Variants in WDR89 observed in about 807,000 individuals in gnomAD.
WDR89 encodes the protein WD repeat-containing protein 89.
WDR89 carries 17 observed loss-of-function variants against 29.1 expected under a neutral mutation model. That is an observed-to-expected ratio of 0.58 (90% confidence interval 0.40 to 0.88). WDR89 has a LOEUF of 0.88. Among genes scored for constraint, WDR89 ranks in the 40% least tolerant of loss-of-function variants. The pLI is 0.00. For missense variants in WDR89, 396 were observed against 456.3 expected, an observed-to-expected ratio of 0.87 and a Z score of 1.20; for synonymous variants, 138 against 157.8, an observed-to-expected ratio of 0.87 and a Z score of 0.94.
In WDR89 at chr14:63,599,699, A is replaced by T; in HGVS notation, c.244T>A (p.Cys82Ser). The change falls in exon 3 of 3, where the codon TGT becomes AGT. Residue 82 changes from cysteine to serine, a missense_variant. Coordinates refer to ENST00000620954, the MANE Select transcript of WDR89 (RefSeq NM_080666.4). Reference protein sequence around the residue: ...LLNGVRFANSCDSVYSACTDG... With the variant: ...LLNGVRFANSSDSVYSACTDG... ...GTACATGCTGAATATACACTGTCAC[A>T]GGAATTTGCAAATCTGACTCCATTA... 1 of 1,614,192 alleles carries T rather than the reference A, an allele frequency of 6.2e-7. No homozygotes were observed. The highest frequency in any genetic ancestry group is 8.5e-7 in the Non-Finnish European group (1 of 1,179,994).
chr14:63,640,670 G>A (rs1206376376), intron 1 of WDR89, among the ~76,000 whole-genome samples: 2 of 151,296 alleles, frequency 1.3e-5, no homozygotes, highest in East Asian at 2.0e-4. Context: ...AGAGACGGGG[G>A]TTTCACCATG....
At chr14:63,628,023 C>T (rs1480954943) in intron 1 of WDR89, among the ~76,000 whole-genome samples, 4 of 152,120 alleles carry the variant, frequency 2.6e-5, no homozygotes, top group African/African-American at 9.7e-5. Context: ...CTCCCTTGAG[C>T]CCAGGAGTTT....
At chr14:63,613,254 C>T (rs905413362) in intron 2 of WDR89, among the ~76,000 whole-genome samples, 2 of 152,082 alleles carry the variant, frequency 1.3e-5, no homozygotes, top group Non-Finnish European at 2.9e-5. Flanking sequence ...AGATCTGAAA[C>T]ATGTAGTTTT....
At chr14:63,607,532 C>T (rs1881646666) in intron 2 of WDR89, among the ~76,000 whole-genome samples, 1 of 152,076 alleles carries the variant, frequency 6.6e-6, no homozygotes, top group Non-Finnish European at 1.5e-5. Flanking sequence ...AATTATATTC[C>T]CCAAAAGTTA....
At position 63,600,815 on chromosome 14, in the gene WDR89, G is replaced by A. The variant is rs373723026; in HGVS notation, c.-31-842C>T. Among the ~76,000 whole-genome samples, 4 of 141,134 alleles carry A rather than the reference G, an allele frequency of 2.8e-5. No homozygotes were observed. In the Admixed American group the frequency reaches 3.0e-4, roughly 11 times the overall value. 92.6% of individuals were successfully genotyped at this position (141,134 alleles called of 152,430 possible). On this transcript the variant is annotated intron_variant, in intron 2 of 2. Coordinates refer to ENST00000620954, the MANE Select transcript of WDR89 (RefSeq NM_080666.4). ...ATCTGTGAATATGTTAGGTTACAAAGGAAAACTGAAGTTGTACATGGAATT... is the reference window on the plus strand; with the variant it reads ...ATCTGTGAATATGTTAGGTTACAAAAGAAAACTGAAGTTGTACATGGAATT...
intron 2 of WDR89, among the ~76,000 whole-genome samples, chr14:63,621,232 C>T (rs928424293): frequency 2.6e-5 from 4 of 152,104 alleles, no homozygotes; most frequent in Non-Finnish European, 5.9e-5. Flanking sequence ...AAAACTTATA[C>T]ATAAATTTCA....
In WDR89 at chr14:63,598,676, G is replaced by T; in HGVS notation, c.*103C>A. On this transcript the variant is annotated 3_prime_UTR_variant, in exon 3 of 3. Coordinates refer to ENST00000620954, the MANE Select transcript of WDR89 (RefSeq NM_080666.4). Reference sequence around the variant, plus strand: ...ATTTTTCCAGGACTGTTTGCTAACTGGCTTGTTTTTACATAAAGCTTTAAA... The same window carrying T: ...ATTTTTCCAGGACTGTTTGCTAACTTGCTTGTTTTTACATAAAGCTTTAAA... 9.5e-7 allele frequency: 1 copy of T among 1,051,672 alleles called. No individual in the cohort carries two copies. Among genetic ancestry groups the T allele is most frequent in the Non-Finnish European group, 1.3e-6 (1 of 776,386 alleles). 65.1% of individuals were successfully genotyped at this position (1,051,672 alleles called of 1,614,324 possible).
chr14:63,635,284 T>C (rs1883656101), intron 1 of WDR89, among the ~76,000 whole-genome samples: 1 of 152,132 alleles, frequency 6.6e-6, no homozygotes, highest in South Asian at 2.1e-4. Flanking sequence ...TCCTCCATGA[T>C]CAAGTAGGTT....
intron 1 of WDR89, among the ~76,000 whole-genome samples, chr14:63,629,598 G>T (rs1883269615): frequency 6.6e-6 from 1 of 152,178 alleles, no homozygotes; most frequent in African/African-American, 2.4e-5. Flanking sequence ...TGCTGACTAT[G>T]AGGACAGACA....
intron 1 of WDR89, among the ~76,000 whole-genome samples, chr14:63,632,003 T>C (rs989478588): frequency 6.6e-5 from 10 of 151,714 alleles, no homozygotes; most frequent in Admixed American, 3.3e-4. Context: ...TCCCAGCTAC[T>C]TGGGAGGCTA....
intron 2 of WDR89, among the ~76,000 whole-genome samples, chr14:63,617,490 CTTTTTTTGTTG>C (rs1180695103): frequency 6.6e-6 from 1 of 151,852 alleles, no homozygotes; most frequent in Non-Finnish European, 1.5e-5. Context: ...ATAGAATTCT[CTTTTTTTGTTG>C]TTTTTTTGAG....
rs1468474463 is a variant in WDR89 at position 63,597,552 on chromosome 14, T to C, written c.*1227A>G. 1 of 152,214 alleles carries C rather than the reference T, an allele frequency of 6.6e-6. No individual in the cohort carries two copies. The allele number at this position is 152,214 out of a possible 1,614,324, so 9.4% of individuals were successfully genotyped here. A position where few individuals can be genotyped will look rare whatever the true frequency, so the allele number is the denominator to read the frequency against. ...CACCTACATCTTCCAACACTATTAA[T>C]TACTTTTGAATTTTAAATATTTTTA... On this transcript the variant is annotated 3_prime_UTR_variant, in exon 3 of 3. Transcript: ENST00000620954.
intron 1 of WDR89, among the ~76,000 whole-genome samples, chr14:63,641,044 G>A (rs1169228470): frequency 4.2e-5 from 6 of 143,094 alleles, no homozygotes; most frequent in African/African-American, 1.6e-4. Flanking sequence ...GTTGCAGTAA[G>A]CCGAGATCGC....
chr14:63,623,345 G>T (rs575717751), intron 2 of WDR89, among the ~76,000 whole-genome samples: 2 of 151,274 alleles, frequency 1.3e-5, no homozygotes, highest in South Asian at 4.2e-4. Flanking sequence ...GATGAAAAAA[G>T]AAATAAAGAA....
intron 1 of WDR89, among the ~76,000 whole-genome samples, chr14:63,629,794 A>G (rs1033071752): frequency 4.6e-5 from 7 of 152,202 alleles, no homozygotes; most frequent in Non-Finnish European, 8.8e-5. Context: ...CACAGAACCA[A>G]TTCGGTAAGA....
intron 2 of WDR89, among the ~76,000 whole-genome samples, chr14:63,614,571 A>G (rs1882189249): frequency 6.6e-6 from 1 of 152,220 alleles, no homozygotes; most frequent in Admixed American, 6.5e-5. Context: ...AAGAGGGAAG[A>G]GTAAAATAGG....
Position 63,599,499 on chromosome 14 carries a change from T to C in WDR89, c.444A>G (p.Ala148=), listed in dbSNP as rs1260768190. 6.2e-7 allele frequency: 1 copy of C among 1,614,180 alleles called. No homozygotes were observed. The highest frequency in any genetic ancestry group is 1.3e-5 in the African/African-American group (1 of 75,050). The change falls in exon 3 of 3, where the codon GCA becomes GCG. Residue 148 remains alanine (A), a synonymous_variant. Transcript: ENST00000620954. ...TAGATAAATTCTGAGAATTCATCCT[T>C]GCATCCCAAAACACCAACAATGCAT... The part of the protein sequence containing the change: ...DDDALLVFWD[A]RMNSQNLSTT...
At chr14:63,612,706 C>A (rs757495057) in intron 2 of WDR89, among the ~76,000 whole-genome samples, 9 of 152,014 alleles carry the variant, frequency 5.9e-5, no homozygotes, top group African/African-American at 2.2e-4. Context: ...AGAATTCTCA[C>A]GAATACTCCC....
At chr14:63,613,640 T>C (rs1300777233) in intron 2 of WDR89, among the ~76,000 whole-genome samples, 1 of 151,502 alleles carries the variant, frequency 6.6e-6, no homozygotes, top group East Asian at 1.9e-4. Context: ...GTGGCTAGGA[T>C]TGCAGGTGCC....
Sources: gnomAD v4.1 joint callset for allele counts (sites outside exome capture counted in the v4.1 genomes callset) on GRCh38, gnomAD v4.1.1 for gene constraint, MANE v1.5 for transcripts, NCBI Gene and HGNC (gene_info 2026-07-23, HGNC 2026-07-21) for gene names.